The following RLIM variants were observed in gnomAD, a reference collection of about 807,000 sequenced individuals.
RLIM encodes ring finger protein, LIM domain interacting, also known as E3 ubiquitin-protein ligase RLIM.
Under a neutral mutation model 34.0 loss-of-function variants are expected in RLIM, and 2 were observed. The ratio of observed to expected loss-of-function variants is 0.06; its 90% CI spans 0.02 to 0.19. The LOEUF (loss-of-function observed/expected upper bound fraction) is 0.19, where lower values mean the gene tolerates loss of function less well. Ranked by LOEUF, RLIM falls within the 10% of genes least tolerant of loss-of-function variation. RLIM has a pLI of 1.00. For synonymous variants in RLIM, 169 were observed against 164.0 expected (o/e 1.03, Z -0.23); for missense variants, 286 against 479.7 (o/e 0.60, Z 3.77).
rs2079623626 is a variant in RLIM, at chrX:74,593,077, GA to G, written c.254-17del. The G allele has an allele frequency of 3.4e-6, 4 of 1,172,567 alleles. No individual in the cohort carries two copies. The South Asian group carries it at 7.9e-5, about 23-fold the overall frequency. On this transcript the variant is annotated splice_polypyrimidine_tract_variant and intron_variant, in intron 3 of 3. Coordinates refer to ENST00000332687, the MANE Select transcript of RLIM (RefSeq NM_016120.4). Reference sequence around the variant, plus strand: ...GAGTCTCCTCCTGTTCAAAACAAAGGAGGGGGAGAGGGAGAAAAAGGAACTA... The same window carrying G: ...GAGTCTCCTCCTGTTCAAAACAAAGGGGGGGAGAGGGAGAAAAAGGAACTA...
Position 74,592,556 on chromosome X carries a change from A to T in RLIM, c.759T>A (p.His253Gln). ...HHSISSQTFE[H>Q]PLVNETEGSS... ...TTCCCTCCGTCTCATTTACCAAAGG[A>T]TGTTCAAAAGTCTGAGATGAGATAC... Residue 253 changes from histidine to glutamine, a missense_variant, in exon 4 of 4, where the codon CAT becomes CAA. His to Gln is a conservative substitution (Grantham distance 24). This residue lies in a region of RLIM where 121 missense variants were observed against 182.4 expected (regional missense o/e 0.66). Coordinates refer to ENST00000332687, the MANE Select transcript of RLIM (RefSeq NM_016120.4). 1 of 1,211,658 alleles carries T rather than the reference A, an allele frequency of 8.3e-7. No individual in the cohort carries two copies. Among genetic ancestry groups the T allele is most frequent in the Non-Finnish European group, 1.1e-6 (1 of 895,499 alleles).
chrX:74,601,125 G>A (rs1466411014), intron 1 of RLIM, among the ~76,000 whole-genome samples: 2 of 111,867 alleles, frequency 1.8e-5, no homozygotes, highest in Non-Finnish European at 3.8e-5. Flanking sequence ...AAGCAAGAAA[G>A]GGGTCTTGTA....
chrX:74,604,116 A>AAT (rs2079672962), intron 1 of RLIM, among the ~76,000 whole-genome samples: 2 of 109,229 alleles, frequency 1.8e-5, no homozygotes, highest in South Asian at 7.9e-4. Context: ...TCTGTCTCAA[A>AAT]AAAAAAAAAA....
intron 1 of RLIM, among the ~76,000 whole-genome samples, chrX:74,610,276 G>A (rs768566425): frequency 9.0e-6 from 1 of 111,078 alleles, no homozygotes; most frequent in African/African-American, 3.3e-5. Flanking sequence ...AGTTAGCCAG[G>A]CGTGGTGGCA....
In RLIM at chrX:74,592,217, T is replaced by C. The variant is rs111843174; in HGVS notation, c.1098A>G (p.Thr366=). Reference sequence around the variant, plus strand: ...CACCTGCCCGCTCAGAACGTGAAAATGTACGCCTAAAACCTCCTCGTTCAC... The same window carrying C: ...CACCTGCCCGCTCAGAACGTGAAAACGTACGCCTAAAACCTCCTCGTTCAC... ...YESERGGFRR[T]FSRSERAGVR... Residue 366 remains threonine (T), a synonymous_variant, in exon 4 of 4, where the codon ACA becomes ACG. Transcript: ENST00000332687. The C allele has an allele frequency of 1.7e-6, 2 of 1,210,186 alleles. No homozygotes were observed. Among genetic ancestry groups the C allele is most frequent in the Middle Eastern group, 2.3e-4 (1 of 4,377 alleles).
intron 1 of RLIM, among the ~76,000 whole-genome samples, chrX:74,609,486 T>TAAAAA (rs1569313792): frequency 6.1e-5 from 1 of 16,497 alleles, no homozygotes; most frequent in African/African-American, 2.9e-4. Flanking sequence ...AGACTCCGTT[T>TAAAAA]CAAAAAAAAA....
At chrX:74,609,882 T>C (rs1345284076) in intron 1 of RLIM, among the ~76,000 whole-genome samples, 2 of 111,990 alleles carry the variant, frequency 1.8e-5, no homozygotes, top group Non-Finnish European at 3.8e-5. Context: ...AAGGGACCTT[T>C]TGTCATTCCA....
At position 74,593,329 on chromosome X, in the gene RLIM, A is replaced by G. The variant is rs1444861722; in HGVS notation, c.254-268T>C. On this transcript the variant is annotated intron_variant, in intron 3 of 3. Transcript: ENST00000332687. ...GGAAGTCTATTTTCAGTATTTTATCATATACAGAGCCAAGCATACCACTGT... is the reference window on the plus strand; with the variant it reads ...GGAAGTCTATTTTCAGTATTTTATCGTATACAGAGCCAAGCATACCACTGT... Among the ~76,000 whole-genome samples the G allele has an allele frequency of 3.6e-5, 4 of 112,424 alleles. No homozygotes were observed. The Admixed American group carries it at 3.8e-4, about 11-fold the overall frequency.
In RLIM at chrX:74,583,132, C is replaced by T. The variant is rs955883627; in HGVS notation, c.*8308G>A. 10 of 1,070,828 alleles carry T rather than the reference C, an allele frequency of 9.3e-6. No homozygotes were observed. The highest frequency in any genetic ancestry group is 2.6e-4 in the Middle Eastern group (1 of 3,900). 88.2% of individuals were successfully genotyped at this position (1,070,828 alleles called of 1,213,427 possible). A position where few individuals can be genotyped will look rare whatever the true frequency, so the allele number is the denominator to read the frequency against. ...GTGGCACTGTTAACTGCTTTCTGGG[C>T]AGTCTCTTTAGCTTGGTGGGCTTGT... On this transcript the variant is annotated 3_prime_UTR_variant, in exon 4 of 4. Coordinates refer to ENST00000332687, the MANE Select transcript of RLIM (RefSeq NM_016120.4).
chrX:74,611,602 C>T (rs1257174743), intron 1 of RLIM, among the ~76,000 whole-genome samples: 1 of 111,754 alleles, frequency 8.9e-6, no homozygotes, highest in Non-Finnish European at 1.9e-5. Flanking sequence ...ACGTAACAGA[C>T]GAAAAGGGGG....
chrX:74,602,382 G>C (rs1008449849), intron 1 of RLIM, among the ~76,000 whole-genome samples: 13 of 111,180 alleles, frequency 1.2e-4, no homozygotes, highest in African/African-American at 3.6e-4. Flanking sequence ...TGCTTTCATA[G>C]ACCACGGTGT....
chrX:74,602,661 T>C (rs1163710973), intron 1 of RLIM, among the ~76,000 whole-genome samples: 5 of 111,274 alleles, frequency 4.5e-5, no homozygotes, highest in Non-Finnish European at 9.5e-5. Context: ...GGCATGAACC[T>C]GGGAGGCAGA....
In RLIM at chrX:74,593,046, T is replaced by A; in HGVS notation, c.269A>T (p.Asp90Val). 8.3e-7 allele frequency: 1 copy of A among 1,203,608 alleles called. No individual in the cohort carries two copies. Residue 90 changes from aspartate to valine, a missense_variant, in exon 4 of 4, where the codon GAT (aspartate) becomes GTT (valine). Asp to Val is a radical substitution (Grantham distance 152, BLOSUM62 -3). Coordinates refer to ENST00000332687, the MANE Select transcript of RLIM (RefSeq NM_016120.4). Reference protein sequence around the residue: ...SDENRGGDSSDDVSNGDSIID... With the variant: ...SDENRGGDSSVDVSNGDSIID... ...TATAGAGTCACCATTAGACACATCATCTGAAGAGTCTCCTCCTGTTCAAAA... is the reference window on the plus strand; with the variant it reads ...TATAGAGTCACCATTAGACACATCAACTGAAGAGTCTCCTCCTGTTCAAAA...
intron 1 of RLIM, 90 bp downstream of exon 1, chrX:74,614,332 G>A (rs1377896103): frequency 1.8e-5 from 2 of 112,748 alleles, no homozygotes; most frequent in Non-Finnish European, 3.7e-5. Context: ...GCGTCACTCG[G>A]GCCATTTTGA....
chrX:74,592,042 C>T lies in RLIM; in HGVS notation c.1273G>A (p.Asp425Asn), dbSNP rs1227213890. Reference sequence around the variant, plus strand: ...GAGACTGAGCCAGTAGGCTCTGAGTCGCTATCACTGTACATAAAATAGCTT... The same window carrying T: ...GAGACTGAGCCAGTAGGCTCTGAGTTGCTATCACTGTACATAAAATAGCTT... Reference protein sequence around the residue: ...ELSYFMYSDSDSEPTGSVSNR... With the variant: ...ELSYFMYSDSNSEPTGSVSNR... Residue 425 changes from aspartate to asparagine, a missense_variant, in exon 4 of 4, where the codon GAC becomes AAC. Physicochemically the swap from Asp to Asn is conservative, Grantham distance 23. Transcript: ENST00000332687. The T allele has an allele frequency of 5.0e-6, 6 of 1,209,059 alleles. No homozygotes were observed. The highest frequency in any genetic ancestry group is 3.4e-6 in the Non-Finnish European group (3 of 894,546).
intron 1 of RLIM, among the ~76,000 whole-genome samples, chrX:74,605,850 C>T (rs2079680105): frequency 9.0e-6 from 1 of 111,330 alleles, no homozygotes; most frequent in Non-Finnish European, 1.9e-5. Context: ...ACCACCTCTA[C>T]AGGTGACAAA....
At position 74,587,502 on chromosome X, in the gene RLIM, G is replaced by C. The variant is rs1212476448; in HGVS notation, c.*3938C>G. ...AATAAGGCAGATTATAATTTTTTTT[G>C]TTCGCAAAAGAACAAAGGAGAAAAG... On this transcript the variant is annotated 3_prime_UTR_variant, in exon 4 of 4. Coordinates refer to ENST00000332687, the MANE Select transcript of RLIM (RefSeq NM_016120.4). The C allele has an allele frequency of 1.8e-5, 2 of 110,852 alleles. No homozygotes were observed. The highest frequency in any genetic ancestry group is 3.8e-5 in the Non-Finnish European group (2 of 52,888). 9.1% of individuals were successfully genotyped at this position (110,852 alleles called of 1,213,427 possible).
intron 1 of RLIM, among the ~76,000 whole-genome samples, chrX:74,611,840 T>C (rs1248354321): frequency 1.8e-5 from 2 of 112,130 alleles, no homozygotes; most frequent in Non-Finnish European, 3.8e-5. Flanking sequence ...TGGTTTCCTC[T>C]ATAAAAGTTA....
rs2147367982 is a variant in RLIM at position 74,585,100 on chromosome X, G to A, written c.*6340C>T. On this transcript the variant is annotated 3_prime_UTR_variant, in exon 4 of 4. Coordinates refer to ENST00000332687, the MANE Select transcript of RLIM (RefSeq NM_016120.4). ...ATGGAAGACAGAAGTACAAGCACAC[G>A]TGCACACCTACAAGTTTTTGTATAT... 1 of 112,005 alleles carries A rather than the reference G, an allele frequency of 8.9e-6. No homozygotes were observed. Among genetic ancestry groups the A allele is most frequent in the Non-Finnish European group, 1.9e-5 (1 of 53,225 alleles). The allele number at this position is 112,005 out of a possible 1,213,427, so 9.2% of individuals were successfully genotyped here. A position where few individuals can be genotyped will look rare whatever the true frequency, so the allele number is the denominator to read the frequency against.
Sources: allele counts gnomAD v4.1 joint callset (sites outside exome capture counted in the v4.1 genomes callset), GRCh38; gene constraint gnomAD v4.1.1; regional missense constraint gnomAD v4.1.1; transcripts MANE v1.5; gene names NCBI Gene and HGNC (gene_info 2026-07-23, HGNC 2026-07-21).